COL28A1: variants seen among roughly 807,000 people sequenced by gnomAD.
COL28A1 encodes collagen alpha-1(XXVIII) chain.
A neutral mutation model predicts 150.2 loss-of-function variants in COL28A1; 161 were observed. The ratio of observed to expected loss-of-function variants is 1.07; its 90% confidence interval spans 0.94 to 1.22. The LOEUF is 1.22. Among genes scored for constraint, COL28A1 ranks in the 50% most tolerant of loss-of-function variants. The pLI is 0.00. For missense variants in COL28A1, 1,617 were observed against 1,388.3 expected (o/e 1.16, Z -2.62); for synonymous variants, 552 against 469.7 (o/e 1.18, Z -2.26).
At chr7:7,375,534 T>C (rs1195302233) in intron 30 of COL28A1, 37 bp from the exon 31 acceptor site, 6 of 1,352,092 alleles carry the variant, frequency 4.4e-6, no homozygotes, top group Non-Finnish European at 6.2e-6. Context: ...ACTATATGTA[T>C]GACTATAATA....
chr7:7,529,738 A>T (rs1451612009), intron 3 of COL28A1, among the ~76,000 whole-genome samples: 1 of 152,192 alleles, frequency 6.6e-6, no homozygotes, highest in East Asian at 1.9e-4. Context: ...TAAGGTGAAG[A>T]TGAATAAGTA....
chr7:7,455,667 T>C (rs1787097538), intron 16 of COL28A1, among the ~76,000 whole-genome samples: 1 of 152,140 alleles, frequency 6.6e-6, no homozygotes, highest in Non-Finnish European at 1.5e-5. Flanking sequence ...TCTACTCCAT[T>C]GGGAGAGAGT....
Position 7,489,562 on chromosome 7 carries a change from C to G in COL28A1, c.1096-105G>C. The stretch of plus-strand genomic sequence containing the variant: ...CAACAAGGATAAATAGCGAAATAGA[C>G]AAAATGTTGGTTTTCATAAAGGTAA... On this transcript the variant is annotated intron_variant, in intron 12 of 34. Transcript: ENST00000399429. The G allele has an allele frequency of 6.9e-6, 5 of 721,338 alleles. No individual in the cohort carries two copies. The South Asian group carries it at 9.0e-5, about 13-fold the overall frequency. The allele number at this position is 721,338 out of a possible 1,614,324, so 44.7% of individuals were successfully genotyped here.
At chr7:7,388,640 C>T (rs1334725015) in intron 27 of COL28A1, among the ~76,000 whole-genome samples, 1 of 152,116 alleles carries the variant, frequency 6.6e-6, no homozygotes, top group African/African-American at 2.4e-5. Flanking sequence ...AAAAGCATTC[C>T]TATTTCTCCA....
At chr7:7,524,313 G>C (rs1781903241) in intron 3 of COL28A1, 64 bp from the exon 4 acceptor site, 3 of 897,558 alleles carry the variant, frequency 3.3e-6, no homozygotes, top group Non-Finnish European at 5.6e-6. Flanking sequence ...CTACTTATTA[G>C]TCATAACTAT....
At chr7:7,492,477 C>T (rs552891603) in intron 11 of COL28A1, among the ~76,000 whole-genome samples, 1 of 149,884 alleles carries the variant, frequency 6.7e-6, no homozygotes, top group African/African-American at 2.5e-5. Context: ...CCCAGCTACT[C>T]GGGAGGCTGA....
chr7:7,383,251 TG>T (rs3221852), intron 27 of COL28A1, among the ~76,000 whole-genome samples: 4 of 69,654 alleles, frequency 5.7e-5, no homozygotes, highest in South Asian at 5.9e-4. Flanking sequence ...TTTTTTTTGT[TG>T]TGTGTGTGTG....
chr7:7,461,782 C>T (rs56330916), intron 15 of COL28A1, among the ~76,000 whole-genome samples: 17,729 of 152,110 alleles, frequency 0.12, 1,125 homozygotes, highest in Middle Eastern at 0.21. Context: ...GCCTTGCTCC[C>T]GCCTAATGGT....
rs193177574 is a variant in COL28A1, at chr7:7,434,713, A to G, written c.1860+1682T>C. Among the ~76,000 whole-genome samples, 12 of 152,318 alleles carry G rather than the reference A, an allele frequency of 7.9e-5. No homozygotes were observed. The East Asian group carries it at 2.1e-3, about 27-fold the overall frequency. On this transcript the variant is annotated intron_variant, in intron 23 of 34. Transcript: ENST00000399429. ...AGGTAGCTTGTTACTTCTATTATTA[A>G]CAGGAAATATCAAGGAGCAAGAGGA...
intron 15 of COL28A1, among the ~76,000 whole-genome samples, chr7:7,468,472 T>G (rs1034032645): frequency 3.1e-4 from 35 of 114,180 alleles, no homozygotes; most frequent in Non-Finnish European, 5.1e-4. Flanking sequence ...ATCAATAGTT[T>G]AGCAACCAAA....
At chr7:7,462,090 C>T (rs552025728) in intron 15 of COL28A1, among the ~76,000 whole-genome samples, 22 of 152,202 alleles carry the variant, frequency 1.4e-4, no homozygotes, top group Non-Finnish European at 2.1e-4. Context: ...GCCTGGAGCC[C>T]GGTAGACTTG....
intron 13 of COL28A1, among the ~76,000 whole-genome samples, chr7:7,483,344 G>A (rs1484325216): frequency 6.6e-6 from 1 of 152,146 alleles, no homozygotes; most frequent in African/African-American, 2.4e-5. Flanking sequence ...ATGTCAAGGA[G>A]CATCTGTATA....
intron 11 of COL28A1, among the ~76,000 whole-genome samples, chr7:7,499,754 C>T (rs762911588): frequency 1.2e-4 from 18 of 152,168 alleles, no homozygotes; most frequent in Non-Finnish European, 2.1e-4. Flanking sequence ...TGTTGAACTA[C>T]TTCCAACCCA....
rs1351335579 is a variant in COL28A1 at position 7,506,071 on chromosome 7, C to G, written c.973-4G>C. The G allele has an allele frequency of 2.2e-6, 3 of 1,363,846 alleles. No homozygotes were observed. The highest frequency in any genetic ancestry group is 3.2e-6 in the Non-Finnish European group (3 of 951,824). 84.5% of individuals were successfully genotyped at this position (1,363,846 alleles called of 1,614,324 possible). Reference sequence around the variant, plus strand: ...CTCCTGGAGGTCCAGTAATTCCCTGCTCCAGGATGAAAACCAAGAATTAGT... The same window carrying G: ...CTCCTGGAGGTCCAGTAATTCCCTGGTCCAGGATGAAAACCAAGAATTAGT... On this transcript the variant is annotated splice_region_variant and splice_polypyrimidine_tract_variant and intron_variant, in intron 10 of 34. Coordinates refer to ENST00000399429, the MANE Select transcript of COL28A1 (RefSeq NM_001037763.3).
At position 7,358,620 on chromosome 7, in the gene COL28A1, C is replaced by G. The variant is rs746774652; in HGVS notation, c.*13G>C. ...GTTCTATGCTTTTGATAGAGACAGG[C>G]CAATTTACTTGCTCATCCTTGAATG... On this transcript the variant is annotated 3_prime_UTR_variant, in exon 35 of 35. Transcript: ENST00000399429. The G allele has an allele frequency of 6.2e-7, 1 of 1,612,830 alleles. No homozygotes were observed. Among genetic ancestry groups the G allele is most frequent in the South Asian group, 1.1e-5 (1 of 90,920 alleles).
intron 11 of COL28A1, among the ~76,000 whole-genome samples, chr7:7,493,792 T>C (rs929379): frequency 0.12 from 18,412 of 151,972 alleles, 1,176 homozygotes; most frequent in Middle Eastern, 0.22. Context: ...AGAATAGCCC[T>C]GGTAAGACGG....
At chr7:7,430,341 G>A (rs147309525) in intron 25 of COL28A1, among the ~76,000 whole-genome samples, 9,848 of 152,094 alleles carry the variant, frequency 0.065, 330 homozygotes, top group Middle Eastern at 0.11. Context: ...TAGCCAGGCT[G>A]GTCTCAAACT....
intron 11 of COL28A1, among the ~76,000 whole-genome samples, chr7:7,490,991 A>T (rs1257775305): frequency 2.0e-5 from 3 of 152,198 alleles, no homozygotes; most frequent in South Asian, 2.1e-4. Context: ...TAATGTGTTT[A>T]TGGAGGAAGG....
intron 33 of COL28A1, among the ~76,000 whole-genome samples, chr7:7,361,060 T>C (rs559719904): frequency 6.6e-6 from 1 of 152,000 alleles, no homozygotes; most frequent in East Asian, 1.9e-4. Flanking sequence ...ATAAAAACAA[T>C]AGTGGCCACT....
Sources: gnomAD v4.1 joint callset for allele counts (sites outside exome capture counted in the v4.1 genomes callset) on GRCh38, gnomAD v4.1.1 for gene constraint, MANE v1.5 for transcripts, NCBI Gene and HGNC (gene_info 2026-07-23, HGNC 2026-07-21) for gene names.